Variants in LPP observed in about 807,000 individuals in gnomAD.
The protein encoded by LPP is LIM domain containing preferred translocation partner in lipoma.
A neutral mutation model predicts 60.4 loss-of-function variants in LPP; 38 were observed. The observed-to-expected ratio is 0.63, with a 90% CI of 0.49 to 0.83. The LOEUF (loss-of-function observed/expected upper bound fraction) is 0.83, where lower values mean the gene tolerates loss of function less well. Ranked by LOEUF, LPP falls within the 40% of genes least tolerant of loss-of-function variation. The pLI, the probability that LPP is intolerant of heterozygous loss-of-function variation, is 0.00. For missense variants in LPP, 902 were observed against 783.6 expected (o/e 1.15, Z -1.80); for synonymous variants, 328 against 290.8 (o/e 1.13, Z -1.30).
At chr3:188,163,549 G>A (rs1052923129) in intron 1 of LPP, among the ~76,000 whole-genome samples, 1 of 152,126 alleles carries the variant, frequency 6.6e-6, no homozygotes, top group African/African-American at 2.4e-5. Flanking sequence ...TGAATATTGA[G>A]TGAGGTAGTG....
chr3:188,655,175 C>G (rs1426794365), intron 7 of LPP, among the ~76,000 whole-genome samples: 5 of 152,150 alleles, frequency 3.3e-5, no homozygotes, highest in Admixed American at 3.3e-4. Context: ...TTAGCCTTAA[C>G]TGATCTGCTT....
chr3:188,876,503 G>C lies in LPP; in HGVS notation c.*2024G>C, dbSNP rs1171667276. On this transcript the variant is annotated 3_prime_UTR_variant, in exon 12 of 12. Coordinates refer to ENST00000617246, the MANE Select transcript of LPP (RefSeq NM_001375462.1). ...ACTTAGGGGCAGCATGTTAGTTTTGGGAGGCAATGTCAACTGTGTCTCTGA... is the reference window on the plus strand; with the variant it reads ...ACTTAGGGGCAGCATGTTAGTTTTGCGAGGCAATGTCAACTGTGTCTCTGA... The C allele has an allele frequency of 4.9e-6, 1 of 203,834 alleles. No individual in the cohort carries two copies. Among genetic ancestry groups the C allele is most frequent in the Admixed American group, 6.0e-5 (1 of 16,766 alleles). The allele number at this position is 203,834 out of a possible 1,614,324, so 12.6% of individuals were successfully genotyped here.
chr3:188,603,350 G>GTT (rs11308827), intron 6 of LPP, among the ~76,000 whole-genome samples: 120 of 148,088 alleles, frequency 8.1e-4, no homozygotes, highest in Middle Eastern at 3.5e-3. Context: ...GAATTTTGTG[G>GTT]TTTTTTTTTT....
Position 188,738,973 on chromosome 3 carries a change from G to A in LPP, c.1241-21140G>A, listed in dbSNP as rs548011591. ...CCAATTTGAAGTCTTTCTAATATCA[G>A]CCATTAGCTGGGATCCACATGGAGT... is the stretch of plus-strand genomic sequence containing the variant. On this transcript the variant is annotated intron_variant, in intron 8 of 11. Transcript: ENST00000617246. Among the ~76,000 whole-genome samples the A allele has an allele frequency of 5.9e-5, 9 of 152,176 alleles. 1 individual carries two copies. The South Asian group carries it at 1.9e-3, about 32-fold the overall frequency.
intron 6 of LPP, among the ~76,000 whole-genome samples, chr3:188,541,121 A>G (rs996527933): frequency 2.0e-5 from 3 of 152,204 alleles, no homozygotes; most frequent in Non-Finnish European, 2.9e-5. Context: ...TACTAACCCT[A>G]TCATTGGCCT....
At chr3:188,558,478 G>C (rs1829980314) in intron 6 of LPP, among the ~76,000 whole-genome samples, 1 of 152,000 alleles carries the variant, frequency 6.6e-6, no homozygotes, top group Non-Finnish European at 1.5e-5. Context: ...TATGGTTGTG[G>C]TCAGCTGTGT....
Position 188,172,275 on chromosome 3 carries a change from T to G in LPP, c.-190+18023T>G, listed in dbSNP as rs548751221. ...ATGTAGTGCTTAAGGGCCAGAGCTC[T>G]GGAGCTACACTGCCTGGATTTGCAT... is the stretch of plus-strand genomic sequence containing the variant. On this transcript the variant is annotated intron_variant, in intron 1 of 11. Coordinates refer to ENST00000617246, the MANE Select transcript of LPP (RefSeq NM_001375462.1). 5.3e-5 allele frequency among the ~76,000 whole-genome samples: 8 copies of G among 152,356 alleles called. No homozygotes were observed. In the South Asian group the frequency reaches 1.7e-3, roughly 32 times the overall value.
In LPP at chr3:188,375,920, G is replaced by A. The variant is rs1163285750; in HGVS notation, c.-9-30192G>A. 4.6e-5 allele frequency among the ~76,000 whole-genome samples: 7 copies of A among 152,172 alleles called. No homozygotes were observed. The East Asian group carries it at 5.8e-4, about 13-fold the overall frequency. ...GTATGTTGTGTCTTTGTTCTCGTTG[G>A]TTTCAAAGAACATCTTTATTTCTGC... On this transcript the variant is annotated intron_variant, in intron 3 of 11. Coordinates refer to ENST00000617246, the MANE Select transcript of LPP (RefSeq NM_001375462.1).
At position 188,217,614 on chromosome 3, in the gene LPP, A is replaced by G. The variant is rs1242247541; in HGVS notation, c.-189-7791A>G. Among the ~76,000 whole-genome samples the G allele has an allele frequency of 6.6e-6, 1 of 152,100 alleles. No homozygotes were observed. The highest frequency in any genetic ancestry group is 2.4e-5 in the African/African-American group (1 of 41,408). On this transcript the variant is annotated intron_variant, in intron 1 of 11. Transcript: ENST00000617246. The surrounding 1 kb of genome is among the most constrained non-coding windows in gnomAD (Gnocchi z 4.0). ...GGCATAGAAGTTGGGCAGGAGAGGT[A>G]AGTTTGGGGCATGTTTGGGAGTGAT...
intron 5 of LPP, among the ~76,000 whole-genome samples, chr3:188,523,221 A>T (rs1004576716): frequency 1.3e-5 from 2 of 152,070 alleles, no homozygotes; most frequent in African/African-American, 4.8e-5. Context: ...ATCCATGTTT[A>T]AAGAGGGCTC....
intron 7 of LPP, among the ~76,000 whole-genome samples, chr3:188,669,808 G>A (rs1326225290): frequency 6.6e-6 from 1 of 152,164 alleles, no homozygotes; most frequent in Non-Finnish European, 1.5e-5. Flanking sequence ...GCAGACGTAT[G>A]TTTACTGCAG....
At chr3:188,347,374 T>C (rs1472179901) in intron 3 of LPP, among the ~76,000 whole-genome samples, 1 of 152,142 alleles carries the variant, frequency 6.6e-6, no homozygotes, top group Non-Finnish European at 1.5e-5. Flanking sequence ...TAAGAAAGAA[T>C]AAAAAAAGCT....
chr3:188,202,344 G>A (rs1253805789), intron 1 of LPP, among the ~76,000 whole-genome samples: 1 of 152,146 alleles, frequency 6.6e-6, no homozygotes, highest in African/African-American at 2.4e-5. Context: ...TACATGGAAA[G>A]GGCACAGTGG....
chr3:188,370,258 A>T (rs1772615149), intron 3 of LPP, among the ~76,000 whole-genome samples: 1 of 152,008 alleles, frequency 6.6e-6, no homozygotes, highest in African/African-American at 2.4e-5. Context: ...CCCACATTTA[A>T]CTGAGTACAG....
At chr3:188,258,720 T>C (rs1732541708) in intron 2 of LPP, among the ~76,000 whole-genome samples, 1 of 152,176 alleles carries the variant, frequency 6.6e-6, no homozygotes, top group Non-Finnish European at 1.5e-5. Context: ...CTAAGATTCG[T>C]CTAGAGAAGA....
intron 6 of LPP, among the ~76,000 whole-genome samples, chr3:188,542,415 T>C (rs1405483035): frequency 6.6e-6 from 1 of 152,206 alleles, no homozygotes; most frequent in Non-Finnish European, 1.5e-5. Context: ...ATATTGACTT[T>C]TCTAACTGTT....
intron 2 of LPP, among the ~76,000 whole-genome samples, chr3:188,323,331 G>C (rs1364809484): frequency 1.3e-5 from 2 of 152,126 alleles, no homozygotes; most frequent in Non-Finnish European, 2.9e-5. Context: ...GGCTCATTTT[G>C]TACCCACTTC....
chr3:188,700,775 A>G (rs1221547464), intron 7 of LPP, among the ~76,000 whole-genome samples: 6 of 152,206 alleles, frequency 3.9e-5, no homozygotes, highest in Non-Finnish European at 8.8e-5. Flanking sequence ...TGTCATAATG[A>G]GGTTTCCACT....
At chr3:188,638,504 GT>G (rs1355633262) in intron 7 of LPP, among the ~76,000 whole-genome samples, 8 of 145,106 alleles carry the variant, frequency 5.5e-5, no homozygotes, top group Non-Finnish European at 1.1e-4. Flanking sequence ...AGTGTTGGAA[GT>G]TCTGGCCAGG....
Sources: allele counts gnomAD v4.1 joint callset (sites outside exome capture counted in the v4.1 genomes callset), GRCh38; gene constraint gnomAD v4.1.1; non-coding constraint Gnocchi (gnomAD v3.1); transcripts MANE v1.5; gene names NCBI Gene and HGNC (gene_info 2026-07-23, HGNC 2026-07-21).